The following P2RY14 variants were observed in gnomAD, a reference collection of about 807,000 sequenced individuals.
The protein encoded by P2RY14 is P2Y purinoceptor 14.
Under a neutral mutation model 0.9 loss-of-function variants are expected in P2RY14, and 2 were observed. The ratio of observed to expected loss-of-function variants is 2.16; its 90% CI spans 0.88 to 6.79. P2RY14 has a LOEUF of 6.79. P2RY14 is among the 30% of genes most tolerant of loss of function. P2RY14 has a pLI of 0.05. For synonymous variants in P2RY14, 158 were observed against 147.2 expected (o/e 1.07, Z -0.53); for missense variants, 378 against 400.1 (o/e 0.94, Z 0.47).
intron 1 of P2RY14, among the ~76,000 whole-genome samples, chr3:151,240,197 A>G (rs1469507904): frequency 6.6e-6 from 1 of 152,094 alleles, no homozygotes; most frequent in African/African-American, 2.4e-5. Context: ...TAGGTAGTCA[A>G]TGGGCCTGTG....
At chr3:151,276,032 T>A (rs958085690) in intron 1 of P2RY14, among the ~76,000 whole-genome samples, 1 of 152,174 alleles carries the variant, frequency 6.6e-6, no homozygotes, top group East Asian at 1.9e-4. Flanking sequence ...GGTGATCATA[T>A]TGATGATCAT....
chr3:151,227,382 A>C (rs577051921), intron 1 of P2RY14, among the ~76,000 whole-genome samples: 1 of 152,312 alleles, frequency 6.6e-6, no homozygotes, highest in Admixed American at 6.5e-5. Flanking sequence ...TTCTGCTACA[A>C]ACAGATCCAA....
chr3:151,259,110 T>A lies in P2RY14; in HGVS notation c.-133+19177A>T, dbSNP rs376627547. On this transcript the variant is annotated intron_variant, in intron 1 of 2. Transcript: ENST00000309170. ...AAATATACTGGAATAAGGAGAACCT[T>A]TTTTAACACATGGACTGAAAGGTTC... Among the ~76,000 whole-genome samples the A allele has an allele frequency of 4.6e-4, 70 of 152,344 alleles. 1 individual carries two copies. The highest frequency in any genetic ancestry group is 1.6e-3 in the African/African-American group (68 of 41,574).
chr3:151,247,037 G>A (rs1042166079), intron 1 of P2RY14, among the ~76,000 whole-genome samples: 1 of 152,196 alleles, frequency 6.6e-6, no homozygotes. Context: ...TGGCATCAGA[G>A]AAATGCAAAC....
intron 1 of P2RY14, among the ~76,000 whole-genome samples, chr3:151,236,550 C>T (rs1372679599): frequency 2.6e-5 from 4 of 152,160 alleles, no homozygotes; most frequent in Non-Finnish European, 4.4e-5. Flanking sequence ...TCTAAATGGT[C>T]CATCCTCCCA....
At chr3:151,228,066 A>G (rs1306271807) in intron 1 of P2RY14, among the ~76,000 whole-genome samples, 1 of 152,198 alleles carries the variant, frequency 6.6e-6, no homozygotes, top group African/African-American at 2.4e-5. Context: ...GTCAGACCTT[A>G]ACTGTAATTG....
chr3:151,238,267 C>T (rs770427436), intron 1 of P2RY14, among the ~76,000 whole-genome samples: 1 of 152,202 alleles, frequency 6.6e-6, no homozygotes, highest in Non-Finnish European at 1.5e-5. Context: ...CTGTCCCAGC[C>T]TCCCAAGTAG....
intron 1 of P2RY14, among the ~76,000 whole-genome samples, chr3:151,224,022 A>G (rs945895361): frequency 2.0e-5 from 3 of 152,198 alleles, no homozygotes; most frequent in African/African-American, 7.2e-5. Flanking sequence ...AAATATGCCT[A>G]ATATTACTGC....
At chr3:151,255,979 A>AG (rs1429615736) in intron 1 of P2RY14, among the ~76,000 whole-genome samples, 1 of 152,208 alleles carries the variant, frequency 6.6e-6, no homozygotes, top group Admixed American at 6.5e-5. Context: ...CCTAGCTCTA[A>AG]GGTCAGTAAA....
At chr3:151,266,505 T>C (rs192622185) in intron 1 of P2RY14, among the ~76,000 whole-genome samples, 7 of 152,364 alleles carry the variant, frequency 4.6e-5, no homozygotes, top group Admixed American at 4.6e-4. Context: ...AGTTGTATAA[T>C]AGTGCAGTCC....
At chr3:151,225,268 G>C (rs769624158) in intron 1 of P2RY14, among the ~76,000 whole-genome samples, 1 of 152,092 alleles carries the variant, frequency 6.6e-6, no homozygotes, top group African/African-American at 2.4e-5. Flanking sequence ...TCCTTCTTCT[G>C]CTTAGCTCCT....
At chr3:151,224,107 T>C (rs1729983158) in intron 1 of P2RY14, among the ~76,000 whole-genome samples, 1 of 151,138 alleles carries the variant, frequency 6.6e-6, no homozygotes, top group African/African-American at 2.4e-5. Context: ...ATATTTAAAT[T>C]ATTTCATAAT....
At chr3:151,227,989 A>AC (rs1220155604) in intron 1 of P2RY14, among the ~76,000 whole-genome samples, 2 of 152,172 alleles carry the variant, frequency 1.3e-5, no homozygotes, top group Non-Finnish European at 2.9e-5. Context: ...CACTGGAATG[A>AC]CCCCTTAATG....
At chr3:151,256,053 G>T (rs2870517) in intron 1 of P2RY14, among the ~76,000 whole-genome samples, 132,289 of 152,222 alleles carry the variant, frequency 0.87, 57,690 homozygotes, top group African/African-American at 0.95. Flanking sequence ...AAAACTGCAT[G>T]GTTCAACATA....
rs940672906 is a variant in P2RY14 at position 151,259,062 on chromosome 3, G to A, written c.-133+19225C>T. ...AATAAATCAAATTTAATTTTTAAACGCATTTGGGAAATGACATACTTTAAA... is the reference window on the plus strand; with the variant it reads ...AATAAATCAAATTTAATTTTTAAACACATTTGGGAAATGACATACTTTAAA... On this transcript the variant is annotated intron_variant, in intron 1 of 2. Coordinates refer to ENST00000309170, the MANE Select transcript of P2RY14 (RefSeq NM_014879.4). Among the ~76,000 whole-genome samples, 6 of 152,090 alleles carry A rather than the reference G, an allele frequency of 3.9e-5. No individual in the cohort carries two copies. In the East Asian group the frequency reaches 9.6e-4, roughly 24 times the overall value.
chr3:151,223,398 T>A (rs9831242), intron 1 of P2RY14, among the ~76,000 whole-genome samples: 20,091 of 152,212 alleles, frequency 0.13, 1,442 homozygotes, highest in Middle Eastern at 0.17. Context: ...TTCACATGTT[T>A]ATTGTAGTAC....
chr3:151,241,817 G>C (rs1236063136), intron 1 of P2RY14: 3 of 155,056 alleles, frequency 1.9e-5, no homozygotes, highest in Non-Finnish European at 4.3e-5. Flanking sequence ...CCGGTCTACA[G>C]CTCCCAGCGT....
rs550573709 is a variant in P2RY14 at position 151,225,480 on chromosome 3, T to G, written c.-132-5838A>C. ...AGAAAAAGAGGGCCAACTTCTGCAG[T>G]AATACCATTAATTTGCTCACGAGGC... On this transcript the variant is annotated intron_variant, in intron 1 of 2. Transcript: ENST00000309170. Among the ~76,000 whole-genome samples the G allele has an allele frequency of 2.0e-5, 3 of 152,284 alleles. No individual in the cohort carries two copies. The East Asian group carries it at 5.8e-4, about 29-fold the overall frequency.
At chr3:151,243,069 A>C (rs986548745) in intron 1 of P2RY14, among the ~76,000 whole-genome samples, 4 of 150,966 alleles carry the variant, frequency 2.6e-5, no homozygotes, top group Admixed American at 1.3e-4. Flanking sequence ...TTAGAGAAAA[A>C]AGAATAAAAA....
Sources: gnomAD v4.1 joint callset for allele counts (sites outside exome capture counted in the v4.1 genomes callset) on GRCh38, gnomAD v4.1.1 for gene constraint, MANE v1.5 for transcripts, NCBI Gene and HGNC (gene_info 2026-07-23, HGNC 2026-07-21) for gene names.